RERE: variants seen among roughly 807,000 people sequenced by gnomAD.
The protein encoded by RERE is arginine-glutamic acid dipeptide repeats.
A neutral mutation model predicts 146.1 loss-of-function variants in RERE; 40 were observed. That is an observed-to-expected ratio of 0.27 (90% confidence interval 0.21 to 0.36). The LOEUF (loss-of-function observed/expected upper bound fraction) is 0.36, where lower values mean the gene tolerates loss of function less well. Among genes scored for constraint, RERE ranks in the 10% least tolerant of loss-of-function variants. RERE has a pLI of 1.00. For synonymous variants in RERE, 1,003 were observed against 866.0 expected (o/e 1.16, Z -2.78); for missense variants, 1,933 against 2,138.7 (o/e 0.90, Z 1.90).
At position 8,361,074 on chromosome 1, in the gene RERE, C is replaced by T. The variant is rs1283199846; in HGVS notation, c.2433G>A (p.Pro811=). ...GATGCGGCGGGGGATGCGGTGAGGG[C>T]GGCCGCTGGGGGTGCAAGGCCGGTG... ...QQAPALHPQR[P]PSPHPPPHPS... is the part of the protein sequence containing the mutation. Residue 811 remains proline (P), a synonymous_variant, in exon 18 of 23, where the codon CCG becomes CCA. Coordinates refer to ENST00000400908, the MANE Select transcript of RERE (RefSeq NM_001042681.2). 2.0e-5 allele frequency: 29 copies of T among 1,436,668 alleles called. No individual in the cohort carries two copies. Among genetic ancestry groups the T allele is most frequent in the Non-Finnish European group, 2.6e-5 (29 of 1,100,396 alleles). The allele number at this position is 1,436,668 out of a possible 1,614,324, so 89.0% of individuals were successfully genotyped here. A position where few individuals can be genotyped will look rare whatever the true frequency, so the allele number is the denominator to read the frequency against.
At chr1:8,736,851 G>GAAAAAAAAAAAAAA (rs34872965) in intron 1 of RERE, among the ~76,000 whole-genome samples, 1 of 99,796 alleles carries the variant, frequency 1.0e-5, no homozygotes. Context: ...AAGCAAGGGG[G>GAAAAAAAAAAAAAA]AAAAAAAAAA....
At chr1:8,578,453 T>C (rs533808928) in intron 4 of RERE, among the ~76,000 whole-genome samples, 37 of 152,314 alleles carry the variant, frequency 2.4e-4, no homozygotes, top group Admixed American at 1.2e-3. Context: ...GAATATATGC[T>C]GATAATTAAA....
intron 4 of RERE, among the ~76,000 whole-genome samples, chr1:8,565,747 C>G (rs1646145484): frequency 1.3e-5 from 2 of 152,104 alleles, no homozygotes; most frequent in Non-Finnish European, 2.9e-5. Context: ...AAGAATTTTA[C>G]ATATCTATAT....
At chr1:8,815,741 C>T (rs1641898800) in intron 1 of RERE, among the ~76,000 whole-genome samples, 1 of 152,078 alleles carries the variant, frequency 6.6e-6, no homozygotes, top group Admixed American at 6.6e-5. Flanking sequence ...CCAAAAAGAG[C>T]TGTGTTTGTC....
chr1:8,765,287 T>C (rs1569745276), intron 1 of RERE, among the ~76,000 whole-genome samples: 1 of 152,144 alleles, frequency 6.6e-6, no homozygotes. Flanking sequence ...ATGTCCAGAA[T>C]AGGCAAATCC....
At chr1:8,596,375 C>T (rs1809332) in intron 4 of RERE, among the ~76,000 whole-genome samples, 97,704 of 152,102 alleles carry the variant, frequency 0.64, 31,886 homozygotes, top group East Asian at 0.84. Flanking sequence ...TTTTAAAAAG[C>T]TGACCCAAAT....
chr1:8,674,835 G>C (rs1476185533), intron 1 of RERE, among the ~76,000 whole-genome samples: 1 of 152,114 alleles, frequency 6.6e-6, no homozygotes, highest in African/African-American at 2.4e-5. Context: ...CCCAACGTAA[G>C]CATATACTGA....
At chr1:8,720,829 G>C (rs984869690) in intron 1 of RERE, among the ~76,000 whole-genome samples, 2 of 152,196 alleles carry the variant, frequency 1.3e-5, no homozygotes, top group African/African-American at 4.8e-5. Context: ...GCTGAAGAGG[G>C]CGGATTACTT....
At chr1:8,525,316 A>G (rs1395762018) in intron 7 of RERE, among the ~76,000 whole-genome samples, 1 of 152,216 alleles carries the variant, frequency 6.6e-6, no homozygotes, top group East Asian at 1.9e-4. Context: ...AAAGCAACCA[A>G]TAGAAGCCCA....
intron 7 of RERE, among the ~76,000 whole-genome samples, chr1:8,516,227 G>GAAA (rs58064164): frequency 0.64 from 33,382 of 52,004 alleles, 11,050 homozygotes; most frequent in East Asian, 0.84. Flanking sequence ...TCTCTCAGAG[G>GAAA]AAAAAAAAAA....
intron 10 of RERE, among the ~76,000 whole-genome samples, chr1:8,470,813 C>CTTTTTTTTTTTTTT (rs71580028): frequency 1.3e-5 from 1 of 74,554 alleles, no homozygotes; most frequent in Non-Finnish European, 2.3e-5. Context: ...AAAGAAATAC[C>CTTTTTTTTTTTTTT]TTTTTTTTTT....
chr1:8,783,177 T>G (rs1641196891), intron 1 of RERE, among the ~76,000 whole-genome samples: 1 of 151,112 alleles, frequency 6.6e-6, no homozygotes, highest in East Asian at 2.0e-4. Context: ...CTACAGAAAG[T>G]TTTTAAAATT....
intron 1 of RERE, among the ~76,000 whole-genome samples, chr1:8,773,810 C>T (rs1255125780): frequency 6.6e-6 from 1 of 152,116 alleles, no homozygotes; most frequent in African/African-American, 2.4e-5. Context: ...GGCGACAGAG[C>T]GAGACTCCAT....
At chr1:8,593,271 G>T (rs2124108257) in intron 4 of RERE, among the ~76,000 whole-genome samples, 1 of 152,320 alleles carries the variant, frequency 6.6e-6, no homozygotes, top group South Asian at 2.1e-4. Flanking sequence ...TCTGATAAGG[G>T]TCAGCTGTGT....
At chr1:8,635,481 T>C (rs932294680) in intron 2 of RERE, among the ~76,000 whole-genome samples, 9 of 152,250 alleles carry the variant, frequency 5.9e-5, no homozygotes, top group Non-Finnish European at 1.2e-4. Context: ...CTCTGGATGC[T>C]TTCTATATGA....
intron 1 of RERE, among the ~76,000 whole-genome samples, chr1:8,778,365 G>A (rs1056679042): frequency 3.9e-5 from 6 of 152,114 alleles, no homozygotes; most frequent in Admixed American, 2.0e-4. Flanking sequence ...TAGTGAAAAC[G>A]TTCTTTACTT....
intron 7 of RERE, among the ~76,000 whole-genome samples, chr1:8,525,115 G>A (rs1370628800): frequency 6.6e-6 from 1 of 151,990 alleles, no homozygotes; most frequent in African/African-American, 2.4e-5. Flanking sequence ...TCCTTTTGAA[G>A]GCAAGAGACT....
chr1:8,733,756 GT>G, intron 1 of RERE, among the ~76,000 whole-genome samples: 1 of 152,248 alleles, frequency 6.6e-6, no homozygotes, highest in Non-Finnish European at 1.5e-5. Context: ...AATGCTGAAT[GT>G]TGTTTTAAGC....
intron 12 of RERE, among the ~76,000 whole-genome samples, chr1:8,403,760 T>C (rs1338243167): frequency 6.6e-6 from 1 of 151,916 alleles, no homozygotes; most frequent in East Asian, 1.9e-4. Flanking sequence ...ACCTTTATGT[T>C]TCCTTGTTAA....
Sources: gnomAD v4.1 joint callset for allele counts (sites outside exome capture counted in the v4.1 genomes callset) on GRCh38, gnomAD v4.1.1 for gene constraint, MANE v1.5 for transcripts, NCBI Gene and HGNC (gene_info 2026-07-23, HGNC 2026-07-21) for gene names.